PPP1R12B: variants seen among roughly 807,000 people sequenced by gnomAD.
PPP1R12B encodes myosin phosphatase target subunit 2.
In PPP1R12B, 76 loss-of-function variants were observed where a neutral mutation model predicts 126.1. The observed-to-expected ratio is 0.60, with a 90% CI of 0.50 to 0.73. The LOEUF (loss-of-function observed/expected upper bound fraction) is 0.73. Ranked by LOEUF, PPP1R12B falls within the 30% of genes least tolerant of loss-of-function variation. The pLI, the probability that PPP1R12B is intolerant of heterozygous loss-of-function variation, is 0.00. For synonymous variants in PPP1R12B, 356 were observed against 434.7 expected, an observed-to-expected ratio of 0.82 and a Z score of 2.25; for missense variants, 1,052 against 1,205.1, an observed-to-expected ratio of 0.87 and a Z score of 1.88.
rs557404427 is a variant in PPP1R12B, at chr1:202,357,243, A to G, written c.291+8101A>G. ...TATAGCAGCAATAGGAAACTAATAC[A>G]GAGAAGAACCGACAAACAGTGATAT... On this transcript the variant is annotated intron_variant, in intron 1 of 23. Coordinates refer to ENST00000608999, the MANE Select transcript of PPP1R12B (RefSeq NM_002481.4). 4.6e-5 allele frequency among the ~76,000 whole-genome samples: 7 copies of G among 152,356 alleles called. No homozygotes were observed. In the East Asian group the frequency reaches 1.3e-3, roughly 29 times the overall value.
chr1:202,356,892 G>A (rs1401299143), intron 1 of PPP1R12B, among the ~76,000 whole-genome samples: 1 of 151,310 alleles, frequency 6.6e-6, no homozygotes, highest in African/African-American at 2.4e-5. Context: ...CACAATCTTG[G>A]CTCACTACAA....
intron 1 of PPP1R12B, among the ~76,000 whole-genome samples, chr1:202,400,753 A>C (rs1004767130): frequency 3.9e-5 from 6 of 152,242 alleles, no homozygotes; most frequent in Non-Finnish European, 7.3e-5. Flanking sequence ...ATACTAAGAA[A>C]GAAATAGTAC....
chr1:202,558,720 C>T (rs922341849), intron 18 of PPP1R12B, 157 bp from the exon 19 acceptor site: 3 of 556,314 alleles, frequency 5.4e-6, no homozygotes, highest in African/African-American at 2.0e-5. Context: ...AATTTGATTG[C>T]TTTTCTTAAA....
At chr1:202,433,515 G>A (rs1274734846) in intron 8 of PPP1R12B, among the ~76,000 whole-genome samples, 1 of 152,174 alleles carries the variant, frequency 6.6e-6, no homozygotes, top group Non-Finnish European at 1.5e-5. Context: ...TGGCCTTCAG[G>A]ACTTTTCATA....
intron 12 of PPP1R12B, chr1:202,444,970 TG>T: frequency 8.5e-7 from 1 of 1,173,574 alleles, no homozygotes; most frequent in African/African-American, 1.6e-5. Flanking sequence ...GTGCACAATC[TG>T]GGTGGGAAGG....
chr1:202,540,029 A>G (rs1684943674), intron 18 of PPP1R12B: 15 of 1,391,348 alleles, frequency 1.1e-5, no homozygotes, highest in Non-Finnish European at 1.4e-5. Context: ...ATCCAAAGTC[A>G]TCTTGCATCA....
chr1:202,577,353 A>G (rs1162937735), intron 23 of PPP1R12B: 1 of 152,254 alleles, frequency 6.6e-6, no homozygotes, highest in African/African-American at 2.4e-5. Context: ...ATTGGAACTG[A>G]ACCAAACTCA....
intron 18 of PPP1R12B, among the ~76,000 whole-genome samples, chr1:202,551,394 C>T (rs1441031113): frequency 3.3e-5 from 5 of 152,172 alleles, no homozygotes; most frequent in East Asian, 3.9e-4. Context: ...GTCACATGGA[C>T]GCCTGTTTTT....
At chr1:202,465,413 A>G (rs1674846463) in intron 13 of PPP1R12B, among the ~76,000 whole-genome samples, 1 of 152,230 alleles carries the variant, frequency 6.6e-6, no homozygotes, top group Non-Finnish European at 1.5e-5. Context: ...GTATAGGGAA[A>G]TATCACTTCT....
chr1:202,405,111 C>T (rs1399850704), intron 1 of PPP1R12B, among the ~76,000 whole-genome samples: 1 of 152,032 alleles, frequency 6.6e-6, no homozygotes, highest in African/African-American at 2.4e-5. Context: ...TTAACCTGTT[C>T]TTTGGTAATG....
chr1:202,584,669 C>G lies in PPP1R12B; in HGVS notation c.*4109C>G, dbSNP rs1221412413. Reference sequence around the variant, plus strand: ...ACCCTTGAGGTGGGCATGGAGTGAGCAGAAGAAGCCTGGAGAAGAGAGAAC... The same window carrying G: ...ACCCTTGAGGTGGGCATGGAGTGAGGAGAAGAAGCCTGGAGAAGAGAGAAC... On this transcript the variant is annotated 3_prime_UTR_variant, in exon 24 of 24. Coordinates refer to ENST00000608999, the MANE Select transcript of PPP1R12B (RefSeq NM_002481.4). 6.6e-6 allele frequency: 1 copy of G among 152,202 alleles called. No individual in the cohort carries two copies. Among genetic ancestry groups the G allele is most frequent in the Non-Finnish European group, 1.5e-5 (1 of 68,048 alleles). The allele number at this position is 152,202 out of a possible 1,614,324, so 9.4% of individuals were successfully genotyped here.
At chr1:202,477,536 G>C (rs1249485191) in intron 13 of PPP1R12B, among the ~76,000 whole-genome samples, 1 of 151,946 alleles carries the variant, frequency 6.6e-6, no homozygotes, top group African/African-American at 2.4e-5. Flanking sequence ...TGATTTGCTG[G>C]ATGTTTTGCA....
chr1:202,459,068 G>A (rs1673989158), intron 13 of PPP1R12B, among the ~76,000 whole-genome samples: 2 of 152,120 alleles, frequency 1.3e-5, no homozygotes, highest in Non-Finnish European at 2.9e-5. Flanking sequence ...CATACCAATT[G>A]GCCAATGATC....
intron 1 of PPP1R12B, among the ~76,000 whole-genome samples, chr1:202,352,132 C>G (rs1656136415): frequency 6.6e-6 from 1 of 152,192 alleles, no homozygotes; most frequent in South Asian, 2.1e-4. Flanking sequence ...AGGTATTAAT[C>G]TGATTATAGA....
intron 18 of PPP1R12B, among the ~76,000 whole-genome samples, chr1:202,518,643 A>G (rs577850047): frequency 1.3e-5 from 2 of 152,244 alleles, no homozygotes; most frequent in South Asian, 4.1e-4. Context: ...AAGTGTTAGC[A>G]GTGGTTGTAT....
At chr1:202,376,460 A>G (rs1324611903) in intron 1 of PPP1R12B, among the ~76,000 whole-genome samples, 2 of 152,202 alleles carry the variant, frequency 1.3e-5, no homozygotes, top group Admixed American at 6.6e-5. Flanking sequence ...AATTTAGACA[A>G]TTTGCTGTGT....
chr1:202,382,732 C>G (rs1662538105), intron 1 of PPP1R12B, among the ~76,000 whole-genome samples: 1 of 151,692 alleles, frequency 6.6e-6, no homozygotes, highest in South Asian at 2.1e-4. Context: ...AAAAAATTAG[C>G]CAGGCTGGTG....
rs150878284 is a variant in PPP1R12B at position 202,524,933 on chromosome 1, G to A, written c.2490+28111G>A. 2.5e-3 allele frequency among the ~76,000 whole-genome samples: 381 copies of A among 152,016 alleles called. 3 individuals are homozygous for A. Among genetic ancestry groups the A allele is most frequent in the Non-Finnish European group, 4.3e-3 (292 of 67,946 alleles). On this transcript the variant is annotated intron_variant, in intron 18 of 23. Coordinates refer to ENST00000608999, the MANE Select transcript of PPP1R12B (RefSeq NM_002481.4). Reference sequence around the variant, plus strand: ...CACTCTGTCACCCAGGTTGGAGTGCGGTGACGCGATCTTGGCTCACTGCAA... The same window carrying A: ...CACTCTGTCACCCAGGTTGGAGTGCAGTGACGCGATCTTGGCTCACTGCAA...
rs1007231230 is a variant in PPP1R12B, at chr1:202,438,501, C to A, written c.1458+477C>A. The A allele has an allele frequency of 7.4e-6, 3 of 405,444 alleles. No homozygotes were observed. The Admixed American group carries it at 1.1e-4, about 15-fold the overall frequency. The allele number at this position is 405,444 out of a possible 1,614,324, so 25.1% of individuals were successfully genotyped here. ...TGGATGGGGTGGAGGATGCAGAGGG[C>A]GAGGAGGAAGATGACCTGAAAGAGC... On this transcript the variant is annotated intron_variant, in intron 10 of 23. Coordinates refer to ENST00000608999, the MANE Select transcript of PPP1R12B (RefSeq NM_002481.4).
Sources: allele counts gnomAD v4.1 joint callset (sites outside exome capture counted in the v4.1 genomes callset), GRCh38; gene constraint gnomAD v4.1.1; transcripts MANE v1.5; gene names NCBI Gene and HGNC (gene_info 2026-07-23, HGNC 2026-07-21).